The following SLC24A3 variants were observed in gnomAD, a reference collection of about 807,000 sequenced individuals.
SLC24A3 encodes the protein sodium/potassium/calcium exchanger 3.
In SLC24A3, 28 loss-of-function variants were observed where a neutral mutation model predicts 75.8. The ratio of observed to expected loss-of-function variants is 0.37; its 90% CI spans 0.27 to 0.51. SLC24A3 has a LOEUF of 0.51. Among genes scored for constraint, SLC24A3 ranks in the 20% least tolerant of loss-of-function variants. The pLI is 0.94. For missense variants in SLC24A3, 663 were observed against 847.8 expected (o/e 0.78, Z 2.71); for synonymous variants, 372 against 334.1 (o/e 1.11, Z -1.24).
chr20:19,493,360 A>C (rs1988234547), intron 2 of SLC24A3, among the ~76,000 whole-genome samples: 1 of 152,192 alleles, frequency 6.6e-6, no homozygotes, highest in Non-Finnish European at 1.5e-5. Context: ...TGTATTTTTA[A>C]AAAGAGTAAG....
chr20:19,666,508 AC>A (rs201424848), intron 8 of SLC24A3, among the ~76,000 whole-genome samples: 1 of 150,854 alleles, frequency 6.6e-6, no homozygotes, highest in East Asian at 1.9e-4. Flanking sequence ...TCCATCCCCC[AC>A]CCCCCAAAAA....
At chr20:19,254,922 C>A (rs1479443958) in intron 1 of SLC24A3, among the ~76,000 whole-genome samples, 1 of 152,232 alleles carries the variant, frequency 6.6e-6, no homozygotes, top group Non-Finnish European at 1.5e-5. Context: ...CTGTGCCATA[C>A]TTCTTTCATC....
intron 2 of SLC24A3, among the ~76,000 whole-genome samples, chr20:19,387,133 T>A (rs1986285600): frequency 6.6e-6 from 1 of 152,144 alleles, no homozygotes; most frequent in South Asian, 2.1e-4. Flanking sequence ...TGTTGTTACA[T>A]AATTGTTCAC....
intron 1 of SLC24A3, among the ~76,000 whole-genome samples, chr20:19,264,740 A>AAC (rs1238393308): frequency 1.3e-5 from 2 of 151,070 alleles, no homozygotes; most frequent in Non-Finnish European, 3.0e-5. Context: ...AAAAAAAAAA[A>AAC]AAAAACAAAA....
chr20:19,632,485 C>G (rs193056280), intron 6 of SLC24A3, among the ~76,000 whole-genome samples: 26 of 152,280 alleles, frequency 1.7e-4, no homozygotes, highest in Admixed American at 2.6e-4. Context: ...TCTCACTCAT[C>G]CCTCTGATCC....
In SLC24A3 at chr20:19,603,080, C is replaced by T. The variant is rs117382062; in HGVS notation, c.612+17536C>T. ...TGTTTAAAGTCCTGAAATCACACAG[C>T]GTGGCACTAGTCATGGAACCAAAGT... On this transcript the variant is annotated intron_variant, in intron 6 of 16. Transcript: ENST00000328041. Among the ~76,000 whole-genome samples, 283 of 152,322 alleles carry T rather than the reference C, an allele frequency of 1.9e-3. 1 individual carries two copies. Among genetic ancestry groups the T allele is most frequent in the Non-Finnish European group, 3.2e-3 (221 of 68,042 alleles).
intron 1 of SLC24A3, among the ~76,000 whole-genome samples, chr20:19,251,121 C>G (rs1982642470): frequency 6.6e-6 from 1 of 152,196 alleles, no homozygotes; most frequent in Non-Finnish European, 1.5e-5. Flanking sequence ...TGTCATGCAG[C>G]TGCCCATGAA....
chr20:19,549,050 G>A (rs768327310), intron 3 of SLC24A3, among the ~76,000 whole-genome samples: 2 of 152,260 alleles, frequency 1.3e-5, no homozygotes, highest in African/African-American at 2.4e-5. Flanking sequence ...GAGCCTTAAC[G>A]GCCAGCCAGC....
intron 1 of SLC24A3, among the ~76,000 whole-genome samples, chr20:19,274,039 C>T (rs1983409758): frequency 6.6e-6 from 1 of 150,974 alleles, no homozygotes; most frequent in Non-Finnish European, 1.5e-5. Flanking sequence ...GTTGCCTTCT[C>T]CCCTCTTCCC....
At chr20:19,326,577 CTTTTTTT>C (rs57226310) in intron 2 of SLC24A3, among the ~76,000 whole-genome samples, 1 of 138,976 alleles carries the variant, frequency 7.2e-6, no homozygotes, top group Non-Finnish European at 1.6e-5. Flanking sequence ...CTTTTCTTTT[CTTTTTTT>C]TTTTTTTTCT....
chr20:19,720,707 C>T (rs989756222), intron 16 of SLC24A3, among the ~76,000 whole-genome samples: 3 of 152,096 alleles, frequency 2.0e-5, no homozygotes, highest in African/African-American at 4.8e-5. Context: ...GTTGGAGCTT[C>T]GTGAAAGAGG....
chr20:19,325,113 G>A (rs1446846218), intron 2 of SLC24A3, among the ~76,000 whole-genome samples: 2 of 151,380 alleles, frequency 1.3e-5, no homozygotes, highest in Non-Finnish European at 2.9e-5. Flanking sequence ...TTCGGTCAGT[G>A]GGGTCACCTC....
intron 1 of SLC24A3, among the ~76,000 whole-genome samples, chr20:19,265,147 G>T (rs1239151760): frequency 6.6e-6 from 1 of 152,206 alleles, no homozygotes; most frequent in Non-Finnish European, 1.5e-5. Context: ...GCTTTTGTTT[G>T]TGTGACTGAG....
chr20:19,459,586 C>A (rs751061065), intron 2 of SLC24A3, among the ~76,000 whole-genome samples: 13 of 152,162 alleles, frequency 8.5e-5, no homozygotes, highest in African/African-American at 3.1e-4. Flanking sequence ...TTCAATAGAA[C>A]CTTCATACTA....
intron 2 of SLC24A3, among the ~76,000 whole-genome samples, chr20:19,473,111 C>T (rs1177134182): frequency 6.6e-6 from 1 of 152,174 alleles, no homozygotes; most frequent in Admixed American, 6.5e-5. Context: ...CTTCCTGAAC[C>T]CCCAGAACCC....
intron 2 of SLC24A3, among the ~76,000 whole-genome samples, chr20:19,355,932 G>T (rs757365514): frequency 6.6e-6 from 1 of 152,144 alleles, no homozygotes; most frequent in Non-Finnish European, 1.5e-5. Flanking sequence ...CTACATTTGG[G>T]TTAGAAGTTA....
At chr20:19,543,367 T>A (rs1223978289) in intron 3 of SLC24A3, among the ~76,000 whole-genome samples, 2 of 152,206 alleles carry the variant, frequency 1.3e-5, no homozygotes, top group Admixed American at 6.5e-5. Flanking sequence ...TGAAACGGCG[T>A]GTCACAGACA....
intron 3 of SLC24A3, among the ~76,000 whole-genome samples, chr20:19,558,263 A>T (rs1304574654): frequency 6.6e-6 from 1 of 152,048 alleles, no homozygotes; most frequent in East Asian, 1.9e-4. Flanking sequence ...TATTTTTGAG[A>T]CAGAGTCTCG....
chr20:19,634,322 C>T (rs886948548), intron 6 of SLC24A3, among the ~76,000 whole-genome samples: 1 of 152,190 alleles, frequency 6.6e-6, no homozygotes, highest in Non-Finnish European at 1.5e-5. Context: ...TGGGAGCCAG[C>T]ATCTTCTCAT....
Sources: gnomAD v4.1 joint callset for allele counts (sites outside exome capture counted in the v4.1 genomes callset) on GRCh38, gnomAD v4.1.1 for gene constraint, MANE v1.5 for transcripts, NCBI Gene and HGNC (gene_info 2026-07-23, HGNC 2026-07-21) for gene names.